ABI3BP: variants seen among roughly 807,000 people sequenced by gnomAD.
ABI3BP encodes the protein target of Nesh-SH3.
ABI3BP carries 216 observed loss-of-function variants against 268.6 expected under a neutral mutation model. The observed-to-expected ratio is 0.80, with a 90% CI of 0.72 to 0.90. The LOEUF is 0.90. Ranked by LOEUF, ABI3BP falls within the 40% of genes least tolerant of loss-of-function variation. The pLI is 0.00. For missense variants in ABI3BP, 2,090 were observed against 2,182.4 expected, an observed-to-expected ratio of 0.96 and a Z score of 0.84; for synonymous variants, 730 against 730.0, an observed-to-expected ratio of 1.00 and a Z score of 0.00.
intron 1 of ABI3BP, among the ~76,000 whole-genome samples, chr3:100,957,557 A>G (rs1172811879): frequency 6.6e-6 from 1 of 152,200 alleles, no homozygotes. Context: ...AGACTAGATG[A>G]GATCACCAAG....
At chr3:100,796,925 T>C (rs1397352293) in intron 51 of ABI3BP, among the ~76,000 whole-genome samples, 2 of 152,072 alleles carry the variant, frequency 1.3e-5, no homozygotes, top group African/African-American at 2.4e-5. Flanking sequence ...GGAAAAATCT[T>C]GAATATGTAA....
At chr3:100,874,582 AT>A (rs1486205511) in intron 9 of ABI3BP, among the ~76,000 whole-genome samples, 1 of 152,174 alleles carries the variant, frequency 6.6e-6, no homozygotes, top group Non-Finnish European at 1.5e-5. Context: ...ATACATATGT[AT>A]TTTGAAGATT....
intron 1 of ABI3BP, among the ~76,000 whole-genome samples, 151 bp from the exon 2 acceptor site, chr3:100,926,632 C>T (rs1366107091): frequency 6.6e-6 from 1 of 152,058 alleles, no homozygotes; most frequent in Non-Finnish European, 1.5e-5. Context: ...CACCCAAACG[C>T]CCAAAATGAA....
Position 100,898,880 on chromosome 3 carries a change from GA to G in ABI3BP, c.342del (p.Arg115AlafsTer11). The part of the protein sequence containing the change: ...QKKSCSGKTR[S>X]RKPLQLVVGT... ...CCAACCACCAGCTGCAGAGGTTTGC[GA>G]GAACGAGTTTTACCTGTGGAGGTGG... On this transcript the variant is annotated frameshift_variant, in exon 4 of 68. Coordinates refer to ENST00000471714, the MANE Select transcript of ABI3BP (RefSeq NM_001375547.2). LOFTEE classifies it high-confidence loss of function. 6.2e-7 allele frequency: 1 copy of G among 1,610,480 alleles called. No homozygotes were observed. Among genetic ancestry groups the G allele is most frequent in the Non-Finnish European group, 8.5e-7 (1 of 1,178,590 alleles).
chr3:100,915,383 C>G (rs2058270206), intron 2 of ABI3BP, among the ~76,000 whole-genome samples: 3 of 152,214 alleles, frequency 2.0e-5, no homozygotes. Context: ...ACTTAATGCA[C>G]AGTGGCTCTG....
chr3:100,754,603 T>C lies in ABI3BP; in HGVS notation c.4930+9A>G. 6.4e-7 allele frequency: 1 copy of C among 1,572,000 alleles called. No homozygotes were observed. Among genetic ancestry groups the C allele is most frequent in the Non-Finnish European group, 8.6e-7 (1 of 1,156,816 alleles). On this transcript the variant is annotated intron_variant, in intron 64 of 67. Coordinates refer to ENST00000471714, the MANE Select transcript of ABI3BP (RefSeq NM_001375547.2). Reference sequence around the variant, plus strand: ...CATCCTTTTTGGGAATTACTGTTGATGTAATTACCTGATTCAGTACTGAAT... The same window carrying C: ...CATCCTTTTTGGGAATTACTGTTGACGTAATTACCTGATTCAGTACTGAAT...
rs1185306662 is a variant in ABI3BP at position 100,835,666 on chromosome 3, C to A, written c.2132-6G>T. The stretch of plus-strand genomic sequence containing the variant: ...CTCAATGTCTGTGGTGGGAACTAAC[C>A]AAAAGCAATACAATAAACAATGGAG... On this transcript the variant is annotated splice_region_variant and splice_polypyrimidine_tract_variant and intron_variant, in intron 27 of 67. Transcript: ENST00000471714. 1.3e-6 allele frequency: 2 copies of A among 1,531,310 alleles called. No homozygotes were observed. The highest frequency in any genetic ancestry group is 1.2e-5 in the South Asian group (1 of 83,532). 94.9% of individuals were successfully genotyped at this position (1,531,310 alleles called of 1,614,324 possible).
intron 54 of ABI3BP, among the ~76,000 whole-genome samples, chr3:100,794,115 A>G (rs1443218558): frequency 6.6e-6 from 1 of 152,042 alleles, no homozygotes; most frequent in African/African-American, 2.4e-5. Context: ...TTGAAGACCC[A>G]GTGTAAATGA....
intron 1 of ABI3BP, among the ~76,000 whole-genome samples, chr3:100,988,635 T>A (rs1388310565): frequency 1.3e-5 from 2 of 152,170 alleles, no homozygotes; most frequent in African/African-American, 4.8e-5. Flanking sequence ...TCAAAATGCT[T>A]TGTGCTTCAC....
rs1185306662 is a variant in ABI3BP at position 100,835,666 on chromosome 3, C to G, written c.2132-6G>C. On this transcript the variant is annotated splice_region_variant and splice_polypyrimidine_tract_variant and intron_variant, in intron 27 of 67. Transcript: ENST00000471714. The stretch of plus-strand genomic sequence containing the variant: ...CTCAATGTCTGTGGTGGGAACTAAC[C>G]AAAAGCAATACAATAAACAATGGAG... The G allele has an allele frequency of 6.5e-7, 1 of 1,531,192 alleles. No individual in the cohort carries two copies. The highest frequency in any genetic ancestry group is 8.7e-7 in the Non-Finnish European group (1 of 1,143,736). 94.9% of individuals were successfully genotyped at this position (1,531,192 alleles called of 1,614,324 possible). A position where few individuals can be genotyped will look rare whatever the true frequency, so the allele number is the denominator to read the frequency against.
At chr3:100,872,426 A>G (rs2099118684) in intron 9 of ABI3BP, among the ~76,000 whole-genome samples, 1 of 152,198 alleles carries the variant, frequency 6.6e-6, no homozygotes, top group Non-Finnish European at 1.5e-5. Context: ...AGATTAGGAA[A>G]TATCACTCAA....
chr3:100,836,595 AC>A (rs1456355825), intron 27 of ABI3BP, among the ~76,000 whole-genome samples: 1 of 152,206 alleles, frequency 6.6e-6, no homozygotes, highest in East Asian at 1.9e-4. Context: ...TTGCCTTCAA[AC>A]AAAACAGAGA....
At position 100,832,506 on chromosome 3, in the gene ABI3BP, G is replaced by A. The variant is rs181551768; in HGVS notation, c.2315-156C>T. Among the ~76,000 whole-genome samples the A allele has an allele frequency of 3.1e-4, 47 of 152,120 alleles. No homozygotes were observed. The East Asian group carries it at 8.3e-3, about 27-fold the overall frequency. The stretch of plus-strand genomic sequence containing the variant: ...ATTTTCTCCTTCAGTATCTTAATAG[G>A]TTTTCTTTGATAACTGAAAGTTCTC... On this transcript the variant is annotated intron_variant, in intron 30 of 67. Transcript: ENST00000471714.
chr3:100,817,589 T>G, intron 41 of ABI3BP, 94 bp from the exon 42 acceptor site: 1 of 994,468 alleles, frequency 1.0e-6, no homozygotes, highest in South Asian at 2.0e-5. Context: ...AAGTAAGGCT[T>G]GTTTTTTGCA....
chr3:100,888,688 C>G (rs1371488644), intron 4 of ABI3BP, among the ~76,000 whole-genome samples: 1 of 152,008 alleles, frequency 6.6e-6, no homozygotes. Flanking sequence ...CCCTCTTATC[C>G]CAAGTTTTTC....
rs1457848192 is a variant in ABI3BP at position 100,939,858 on chromosome 3, A to G, written c.80-13377T>C. Among the ~76,000 whole-genome samples, 7 of 152,154 alleles carry G rather than the reference A, an allele frequency of 4.6e-5. No individual in the cohort carries two copies. The East Asian group carries it at 1.4e-3, about 30-fold the overall frequency. On this transcript the variant is annotated intron_variant, in intron 1 of 67. Transcript: ENST00000471714. ...GGGGTCTATTTCACCCCTAGAGTCT[A>G]TAGACCATAGGAGATGACCACACCC...
chr3:100,753,860 T>G lies in ABI3BP; in HGVS notation c.4931-12A>C. On this transcript the variant is annotated splice_polypyrimidine_tract_variant and intron_variant, in intron 64 of 67. Coordinates refer to ENST00000471714, the MANE Select transcript of ABI3BP (RefSeq NM_001375547.2). ...CACTCTTGGGTCCGCTGAGGAGAAA[T>G]AAATAGAAAAGTCAGACCTTACTAG... The G allele has an allele frequency of 1.2e-6, 2 of 1,606,612 alleles. No individual in the cohort carries two copies. The highest frequency in any genetic ancestry group is 1.7e-6 in the Non-Finnish European group (2 of 1,176,622).
intron 2 of ABI3BP, among the ~76,000 whole-genome samples, chr3:100,907,027 A>G (rs898675053): frequency 6.6e-6 from 1 of 152,218 alleles, no homozygotes; most frequent in African/African-American, 2.4e-5. Context: ...TATGTTTAAC[A>G]ATTTTTTTGT....
At chr3:100,957,521 G>A (rs1196801266) in intron 1 of ABI3BP, among the ~76,000 whole-genome samples, 5 of 152,106 alleles carry the variant, frequency 3.3e-5, no homozygotes, top group Admixed American at 1.3e-4. Context: ...GAACTTGTTG[G>A]TATTTAGACG....
Sources: allele counts gnomAD v4.1 joint callset (sites outside exome capture counted in the v4.1 genomes callset), GRCh38; gene constraint gnomAD v4.1.1; transcripts MANE v1.5; gene names NCBI Gene and HGNC (gene_info 2026-07-23, HGNC 2026-07-21).